Variants in OSBPL6 observed in about 807,000 individuals in gnomAD.
OSBPL6 encodes the protein oxysterol-binding protein-related protein 6.
Under a neutral mutation model 125.8 loss-of-function variants are expected in OSBPL6, and 49 were observed. The observed-to-expected ratio is 0.39, with a 90% CI of 0.31 to 0.49. The LOEUF (loss-of-function observed/expected upper bound fraction) is 0.49, where lower values mean the gene tolerates loss of function less well. Among genes scored for constraint, OSBPL6 ranks in the 20% least tolerant of loss-of-function variants. The pLI is 0.88. For missense variants in OSBPL6, 986 were observed against 1,135.4 expected, an observed-to-expected ratio of 0.87 and a Z score of 1.89; for synonymous variants, 394 against 391.8, an observed-to-expected ratio of 1.01 and a Z score of -0.07.
chr2:178,369,058 A>G (rs1345612840), intron 13 of OSBPL6, among the ~76,000 whole-genome samples: 1 of 152,188 alleles, frequency 6.6e-6, no homozygotes, highest in African/African-American at 2.4e-5. Flanking sequence ...TGGTCTCCCA[A>G]AGTGCTGAGG....
intron 1 of OSBPL6, among the ~76,000 whole-genome samples, chr2:178,267,133 C>T (rs2092255136): frequency 6.6e-6 from 1 of 152,108 alleles, no homozygotes; most frequent in Non-Finnish European, 1.5e-5. Context: ...GCAGGTGGGT[C>T]ACCTGGGGTC....
intron 8 of OSBPL6, among the ~76,000 whole-genome samples, chr2:178,335,842 C>A (rs1045620879): frequency 1.2e-4 from 18 of 152,154 alleles, no homozygotes; most frequent in Non-Finnish European, 1.6e-4. Flanking sequence ...AATACGAATT[C>A]AAGGCATTGC....
intron 3 of OSBPL6, among the ~76,000 whole-genome samples, chr2:178,309,848 T>TA (rs1687109041): frequency 6.6e-6 from 1 of 152,196 alleles, no homozygotes; most frequent in Non-Finnish European, 1.5e-5. Flanking sequence ...ACCTAGGACT[T>TA]ACCAATAAAC....
intron 9 of OSBPL6, among the ~76,000 whole-genome samples, chr2:178,336,849 C>A (rs551451596): frequency 6.6e-6 from 1 of 152,174 alleles, no homozygotes; most frequent in East Asian, 1.9e-4. Context: ...AGGTCACTTC[C>A]GCAGCTGCCT....
intron 1 of OSBPL6, among the ~76,000 whole-genome samples, chr2:178,228,821 C>T (rs1278841298): frequency 3.9e-5 from 6 of 151,998 alleles, no homozygotes; most frequent in Non-Finnish European, 7.4e-5. Context: ...ATTTAGATTT[C>T]ATAAAATTTA....
chr2:178,373,917 C>T lies in OSBPL6; in HGVS notation c.1423C>T (p.Pro475Ser), dbSNP rs1254072145. Reference protein sequence around the residue: ...EAGEQIHVSLPLSQQVANESR... With the variant: ...EAGEQIHVSLSLSQQVANESR... Reference sequence around the variant, plus strand: ...TGGTGAGCAAATCCATGTCAGTCTCCCCTTATCACAGCAAGTAGCCAATGA... The same window carrying T: ...TGGTGAGCAAATCCATGTCAGTCTCTCCTTATCACAGCAAGTAGCCAATGA... The change falls in exon 15 of 25, where the codon CCC becomes TCC. Residue 475 changes from proline to serine, a missense_variant. Physicochemically the swap from Pro to Ser is moderately conservative, Grantham distance 74. Coordinates refer to ENST00000190611, the MANE Select transcript of OSBPL6 (RefSeq NM_032523.4). The T allele has an allele frequency of 3.7e-6, 6 of 1,614,018 alleles. No homozygotes were observed. The highest frequency in any genetic ancestry group is 5.1e-6 in the Non-Finnish European group (6 of 1,179,972).
chr2:178,377,540 A>G (rs188790193), intron 15 of OSBPL6, among the ~76,000 whole-genome samples: 9 of 152,254 alleles, frequency 5.9e-5, no homozygotes, highest in Admixed American at 3.3e-4. Context: ...ACGCCTTCAC[A>G]CTCATAGTCT....
At chr2:178,262,377 A>G (rs1277947881) in intron 1 of OSBPL6, among the ~76,000 whole-genome samples, 1 of 152,198 alleles carries the variant, frequency 6.6e-6, no homozygotes, top group Non-Finnish European at 1.5e-5. Flanking sequence ...CATAATATGT[A>G]TTGCAAAAGA....
chr2:178,389,261 T>C (rs1559328649), intron 21 of OSBPL6, 108 bp downstream of exon 21: 23 of 1,091,420 alleles, frequency 2.1e-5, no homozygotes, highest in Non-Finnish European at 2.6e-5. Flanking sequence ...CCTGTATCAT[T>C]GGTCCTTACG....
intron 12 of OSBPL6, among the ~76,000 whole-genome samples, chr2:178,357,904 A>G (rs138779769): frequency 6.4e-4 from 98 of 152,374 alleles, no homozygotes; most frequent in Non-Finnish European, 1.1e-3. Context: ...CTATGCAGCC[A>G]TAAAAAAGGA....
At position 178,338,902 on chromosome 2, in the gene OSBPL6, T is replaced by G. The variant is rs1689945467; in HGVS notation, c.791-89T>G. 3.7e-6 allele frequency: 3 copies of G among 805,966 alleles called. No individual in the cohort carries two copies. In the East Asian group the frequency reaches 8.0e-5, roughly 22 times the overall value. The allele number at this position is 805,966 out of a possible 1,614,324, so 49.9% of individuals were successfully genotyped here. A position where few individuals can be genotyped will look rare whatever the true frequency, so the allele number is the denominator to read the frequency against. ...ATAAACATGGATCTGCCTACTTATATTTGCCATAATTTGCATTGACCCTTT... is the reference window on the plus strand; with the variant it reads ...ATAAACATGGATCTGCCTACTTATAGTTGCCATAATTTGCATTGACCCTTT... On this transcript the variant is annotated intron_variant, in intron 9 of 24. Coordinates refer to ENST00000190611, the MANE Select transcript of OSBPL6 (RefSeq NM_032523.4).
chr2:178,222,115 A>G (rs1375619284), intron 1 of OSBPL6, among the ~76,000 whole-genome samples: 1 of 152,178 alleles, frequency 6.6e-6, no homozygotes, highest in Non-Finnish European at 1.5e-5. Context: ...GTTCTCTTCC[A>G]GCCCCAGGAA....
intron 5 of OSBPL6, among the ~76,000 whole-genome samples, chr2:178,328,723 A>G (rs778549004): frequency 2.0e-5 from 3 of 152,090 alleles, no homozygotes; most frequent in Admixed American, 6.6e-5. Flanking sequence ...CACAGCCCCA[A>G]GTGATCCGCC....
At chr2:178,379,190 G>GA (rs1553574759) in intron 15 of OSBPL6, among the ~76,000 whole-genome samples, 1 of 144,466 alleles carries the variant, frequency 6.9e-6, no homozygotes. Context: ...ACGAAGGAAC[G>GA]AAAAAAAGAA....
chr2:178,213,384 G>T (rs1390331508), intron 1 of OSBPL6, among the ~76,000 whole-genome samples: 1 of 151,894 alleles, frequency 6.6e-6, no homozygotes. Context: ...GACCATGATT[G>T]TCCCTCCCAA....
At chr2:178,269,771 A>T (rs2092331141) in intron 1 of OSBPL6, among the ~76,000 whole-genome samples, 1 of 152,182 alleles carries the variant, frequency 6.6e-6, no homozygotes, top group Non-Finnish European at 1.5e-5. Context: ...GGCACAATAT[A>T]GGCATTCGGT....
At chr2:178,383,887 T>A in intron 17 of OSBPL6, 152 bp from the exon 18 acceptor site, 1 of 915,500 alleles carries the variant, frequency 1.1e-6, no homozygotes, top group Non-Finnish European at 1.6e-6. Flanking sequence ...CCCCATGAGT[T>A]GATAAAAATT....
chr2:178,386,983 A>C, intron 19 of OSBPL6, 78 bp from the exon 20 acceptor site: 3 of 869,170 alleles, frequency 3.5e-6, no homozygotes, highest in Non-Finnish European at 5.4e-6. Flanking sequence ...CATAAAGTGT[A>C]ATACAAAAGT....
intron 3 of OSBPL6, among the ~76,000 whole-genome samples, chr2:178,311,682 A>G (rs934162551): frequency 6.6e-6 from 1 of 152,224 alleles, no homozygotes; most frequent in African/African-American, 2.4e-5. Flanking sequence ...AGGAATAATC[A>G]TGAGGTCAGG....
Sources: gnomAD v4.1 joint callset for allele counts (sites outside exome capture counted in the v4.1 genomes callset) on GRCh38, gnomAD v4.1.1 for gene constraint, MANE v1.5 for transcripts, NCBI Gene and HGNC (gene_info 2026-07-23, HGNC 2026-07-21) for gene names.